CABCOCO1: variants seen among roughly 807,000 people sequenced by gnomAD.
CABCOCO1 encodes the protein ciliary-associated calcium-binding coiled-coil protein 1.
Under a neutral mutation model 35.7 loss-of-function variants are expected in CABCOCO1, and 28 were observed. The ratio of observed to expected loss-of-function variants is 0.78; its 90% CI spans 0.58 to 1.07. The LOEUF (loss-of-function observed/expected upper bound fraction) is 1.07. Among genes scored for constraint, CABCOCO1 ranks in the 50% least tolerant of loss-of-function variants. The pLI, the probability that CABCOCO1 is intolerant of heterozygous loss-of-function variation, is 0.00. For synonymous variants in CABCOCO1, 95 were observed against 100.1 expected (o/e 0.95, Z 0.30); for missense variants, 326 against 309.2 (o/e 1.05, Z -0.41).
At chr10:61,691,489 T>C (rs1318108175) in intron 5 of CABCOCO1, among the ~76,000 whole-genome samples, 1 of 152,154 alleles carries the variant, frequency 6.6e-6, no homozygotes, top group Non-Finnish European at 1.5e-5. Flanking sequence ...TACTTTATTT[T>C]GTTTTATTTT....
At chr10:61,665,886 CAA>C (rs72066420) in intron 1 of CABCOCO1, among the ~76,000 whole-genome samples, 1,661 of 98,296 alleles carry the variant, frequency 0.017, 22 homozygotes, top group Middle Eastern at 0.061. Context: ...GACTCCGTCT[CAA>C]AAAAAAAAAA....
chr10:61,671,582 C>T (rs955972197), intron 1 of CABCOCO1, among the ~76,000 whole-genome samples: 2 of 152,160 alleles, frequency 1.3e-5, no homozygotes, highest in African/African-American at 4.8e-5. Context: ...ATTTCAGAAA[C>T]TCAGAATCTC....
chr10:61,696,759 G>GC (rs1462353178), intron 5 of CABCOCO1, among the ~76,000 whole-genome samples: 1 of 151,944 alleles, frequency 6.6e-6, no homozygotes, highest in African/African-American at 2.4e-5. Context: ...TTCAGTTGCA[G>GC]CCCCCTAAAG....
At chr10:61,697,350 TC>T (rs1840323130) in intron 5 of CABCOCO1, among the ~76,000 whole-genome samples, 1 of 152,100 alleles carries the variant, frequency 6.6e-6, no homozygotes, top group South Asian at 2.1e-4. Context: ...TAAAAAACTA[TC>T]AAGTCTTTAG....
At chr10:61,726,964 A>C (rs1026132610) in intron 5 of CABCOCO1, among the ~76,000 whole-genome samples, 30 of 151,966 alleles carry the variant, frequency 2.0e-4, no homozygotes, top group South Asian at 2.1e-4. Flanking sequence ...AGGGAGACTG[A>C]GGCACAAGAA....
At chr10:61,676,045 A>T (rs1314310250) in intron 2 of CABCOCO1, among the ~76,000 whole-genome samples, 1 of 152,236 alleles carries the variant, frequency 6.6e-6, no homozygotes, top group African/African-American at 2.4e-5. Context: ...ACAGGAAAAT[A>T]ACAGGCCTCA....
chr10:61,678,733 A>G (rs1370459421), intron 2 of CABCOCO1, among the ~76,000 whole-genome samples: 3 of 152,146 alleles, frequency 2.0e-5, no homozygotes, highest in Non-Finnish European at 4.4e-5. Flanking sequence ...ATTCAACAGA[A>G]AAAAAGAAAC....
At chr10:61,731,930 A>T (rs1841313524) in intron 5 of CABCOCO1, among the ~76,000 whole-genome samples, 1 of 152,076 alleles carries the variant, frequency 6.6e-6, no homozygotes, top group South Asian at 2.1e-4. Flanking sequence ...AAGCCATTTG[A>T]TTACAATTTA....
chr10:61,713,005 A>G (rs1235325830), intron 5 of CABCOCO1, among the ~76,000 whole-genome samples: 1 of 152,128 alleles, frequency 6.6e-6, no homozygotes, highest in Non-Finnish European at 1.5e-5. Context: ...TTTTGGTTCT[A>G]TATGAACTTT....
chr10:61,701,189 T>A (rs1405527394), intron 5 of CABCOCO1, among the ~76,000 whole-genome samples: 1 of 152,148 alleles, frequency 6.6e-6, no homozygotes, highest in Non-Finnish European at 1.5e-5. Context: ...ATATACATGT[T>A]CTCATTTTTA....
At chr10:61,707,111 G>A (rs1325233655) in intron 5 of CABCOCO1, among the ~76,000 whole-genome samples, 4 of 152,200 alleles carry the variant, frequency 2.6e-5, no homozygotes, top group Non-Finnish European at 4.4e-5. Flanking sequence ...GGTTGTTCAT[G>A]TATGTGCGTG....
At chr10:61,761,937 A>G (rs1468327284) in intron 7 of CABCOCO1, among the ~76,000 whole-genome samples, 1 of 152,130 alleles carries the variant, frequency 6.6e-6, no homozygotes, top group Non-Finnish European at 1.5e-5. Flanking sequence ...ACTCAGCCAA[A>G]GTCCTCAGCT....
chr10:61,752,469 G>GA (rs1399409230), intron 5 of CABCOCO1, among the ~76,000 whole-genome samples: 1 of 151,854 alleles, frequency 6.6e-6, no homozygotes, highest in East Asian at 1.9e-4. Flanking sequence ...GCCTACTGGA[G>GA]AAAAGGGAAA....
chr10:61,715,635 T>C (rs936593086), intron 5 of CABCOCO1, among the ~76,000 whole-genome samples: 1 of 152,216 alleles, frequency 6.6e-6, no homozygotes, highest in African/African-American at 2.4e-5. Flanking sequence ...TGGCATGTTT[T>C]TGCAGTGGCT....
intron 4 of CABCOCO1, among the ~76,000 whole-genome samples, chr10:61,687,221 A>G (rs1839991922): frequency 6.6e-6 from 1 of 152,230 alleles, no homozygotes; most frequent in African/African-American, 2.4e-5. Flanking sequence ...GTTTCTTAAT[A>G]TTAAAACGTA....
At chr10:61,754,197 C>A (rs1841850488) in intron 5 of CABCOCO1, among the ~76,000 whole-genome samples, 1 of 152,012 alleles carries the variant, frequency 6.6e-6, no homozygotes, top group Non-Finnish European at 1.5e-5. Flanking sequence ...CCTCCTTTTA[C>A]AGATAAATAA....
chr10:61,675,265 T>C (rs903152447), intron 2 of CABCOCO1, among the ~76,000 whole-genome samples: 1 of 152,192 alleles, frequency 6.6e-6, no homozygotes, highest in Non-Finnish European at 1.5e-5. Flanking sequence ...AGTTTACGTA[T>C]TTGCCAGTAA....
intron 5 of CABCOCO1, chr10:61,701,807 C>T: frequency 4.1e-6 from 4 of 983,190 alleles, no homozygotes; most frequent in Non-Finnish European, 4.8e-6. Flanking sequence ...TTTCCAAGAC[C>T]AGAGGCCTCT....
chr10:61,706,261 A>G (rs1186931514), intron 5 of CABCOCO1, among the ~76,000 whole-genome samples: 1 of 152,222 alleles, frequency 6.6e-6, no homozygotes, highest in African/African-American at 2.4e-5. Flanking sequence ...GAAAACGAAC[A>G]CCATACCGTG....
Sources: allele counts gnomAD v4.1 joint callset (sites outside exome capture counted in the v4.1 genomes callset), GRCh38; gene constraint gnomAD v4.1.1; transcripts MANE v1.5; gene names NCBI Gene and HGNC (gene_info 2026-07-23, HGNC 2026-07-21).